Variants in SIPA1L3 observed in about 807,000 individuals in gnomAD.
SIPA1L3 encodes the protein signal-induced proliferation-associated 1-like protein 3.
SIPA1L3 carries 59 observed loss-of-function variants against 150.1 expected under a neutral mutation model. The observed-to-expected ratio is 0.39, with a 90% CI of 0.32 to 0.49. The LOEUF is 0.49. SIPA1L3 is among the 20% of genes least tolerant of loss of function. The pLI is 0.86. For synonymous variants in SIPA1L3, 1,070 were observed against 1,077.6 expected, an observed-to-expected ratio of 0.99 and a Z score of 0.14; for missense variants, 2,211 against 2,489.5, an observed-to-expected ratio of 0.89 and a Z score of 2.38.
intron 1 of SIPA1L3, among the ~76,000 whole-genome samples, chr19:37,990,107 A>T (rs1967465386): frequency 6.6e-6 from 1 of 151,698 alleles, no homozygotes; most frequent in Non-Finnish European, 1.5e-5. Context: ...GAAATTCTGG[A>T]GTGGGGTCAG....
At chr19:38,105,322 G>T (rs1389551295) in intron 6 of SIPA1L3, among the ~76,000 whole-genome samples, 2 of 151,142 alleles carry the variant, frequency 1.3e-5, no homozygotes. Flanking sequence ...CCCACATTGC[G>T]CCATTGCTCT....
chr19:38,100,593 G>A (rs1296567180), intron 5 of SIPA1L3, among the ~76,000 whole-genome samples: 1 of 152,168 alleles, frequency 6.6e-6, no homozygotes, highest in African/African-American at 2.4e-5. Context: ...GGCTGTCCAT[G>A]GCCCAGTCAC....
rs1037121692 is a variant in SIPA1L3, at chr19:38,192,161, A to G, written c.4447A>G (p.Thr1483Ala). 2.5e-6 allele frequency: 4 copies of G among 1,607,366 alleles called. No homozygotes were observed. The highest frequency in any genetic ancestry group is 3.4e-6 in the Non-Finnish European group (4 of 1,177,356). Residue 1483 changes from threonine (T) to alanine (A), a missense_variant, in exon 17 of 22, where the codon ACC (threonine) becomes GCC (alanine). By Grantham distance (58) the Thr-to-Ala change is moderately conservative. Transcript: ENST00000222345. The stretch of plus-strand genomic sequence containing the variant: ...TCATTCCAGGCAGGTGGACACGAAC[A>G]CCAAAAATGTCTTTGGGCAACCGAG... ...SDPKKQVDTN[T>A]KNVFGQPRLR...
At chr19:37,930,792 C>T (rs576485535) in intron 1 of SIPA1L3, among the ~76,000 whole-genome samples, 9 of 152,174 alleles carry the variant, frequency 5.9e-5, no homozygotes, top group East Asian at 1.9e-4. Flanking sequence ...TGGGAGGATT[C>T]GAATGCATCA....
intron 19 of SIPA1L3, chr19:38,200,138 T>TCTTGGC (rs1001519810): frequency 3.3e-5 from 5 of 152,204 alleles, no homozygotes; most frequent in African/African-American, 1.2e-4. Context: ...AGTGGCGTGA[T>TCTTGGC]CTTGGCTCAC....
intron 1 of SIPA1L3, among the ~76,000 whole-genome samples, chr19:37,973,553 AAG>A (rs1491089399): frequency 0.36 from 28,991 of 79,666 alleles, 5,546 homozygotes; most frequent in South Asian, 0.45. Context: ...AAAAAAAAAA[AAG>A]CGGGAGGGGG....
chr19:37,911,645 G>T (rs1311616646), intron 1 of SIPA1L3, among the ~76,000 whole-genome samples: 1 of 151,524 alleles, frequency 6.6e-6, no homozygotes, highest in East Asian at 2.0e-4. Context: ...CCGAGTAGCT[G>T]GGACTACAGG....
chr19:38,103,921 A>C, intron 6 of SIPA1L3, among the ~76,000 whole-genome samples: 1 of 147,192 alleles, frequency 6.8e-6, no homozygotes, highest in South Asian at 2.1e-4. Context: ...AAAAAAAAAA[A>C]GGAAAGAAAA....
At chr19:38,179,607 C>A in intron 15 of SIPA1L3, among the ~76,000 whole-genome samples, 1 of 152,174 alleles carries the variant, frequency 6.6e-6, no homozygotes, top group South Asian at 2.1e-4. Context: ...CTATTTCCTT[C>A]TCCCTTTTTT....
intron 9 of SIPA1L3, among the ~76,000 whole-genome samples, chr19:38,126,300 C>T (rs1325936995): frequency 6.6e-6 from 1 of 152,132 alleles, no homozygotes; most frequent in Non-Finnish European, 1.5e-5. Context: ...CTAAATCAGA[C>T]AAGGAGAAGG....
rs1568586040 is a variant in SIPA1L3, at chr19:38,164,351, TAG to T, written c.3781-126_3781-125del. 3.5e-6 allele frequency: 3 copies of T among 855,720 alleles called. No individual in the cohort carries two copies. The African/African-American group carries it at 5.1e-5, about 15-fold the overall frequency. The allele number at this position is 855,720 out of a possible 1,614,324, so 53.0% of individuals were successfully genotyped here. On this transcript the variant is annotated intron_variant, in intron 14 of 21. Coordinates refer to ENST00000222345, the MANE Select transcript of SIPA1L3 (RefSeq NM_015073.3). The surrounding 1 kb of genome is among the most constrained non-coding windows in gnomAD (Gnocchi z 4.1). The stretch of plus-strand genomic sequence containing the variant: ...CACTTGCCCAAGGTAACACGGCCAG[TAG>T]ATGAGAAGCCAGGATTTGAAGCTGT...
intron 16 of SIPA1L3, among the ~76,000 whole-genome samples, chr19:38,187,674 C>T (rs1297239049): frequency 3.9e-4 from 52 of 133,318 alleles, no homozygotes; most frequent in African/African-American, 1.2e-3. Context: ...GCCAAGATTG[C>T]GCCACTGCAC....
intron 1 of SIPA1L3, among the ~76,000 whole-genome samples, chr19:38,011,276 A>T (rs1315397941): frequency 1.3e-5 from 2 of 152,082 alleles, no homozygotes; most frequent in Non-Finnish European, 2.9e-5. Context: ...GGAGTTCAAG[A>T]CTAGCCTGGG....
intron 15 of SIPA1L3, among the ~76,000 whole-genome samples, chr19:38,168,120 C>T (rs530247911): frequency 1.6e-4 from 25 of 152,310 alleles, no homozygotes; most frequent in Admixed American, 1.5e-3. Context: ...GGCACGGTGG[C>T]TCACGCCTAT....
intron 1 of SIPA1L3, among the ~76,000 whole-genome samples, chr19:37,968,851 T>C (rs1725483): frequency 0.28 from 41,876 of 152,122 alleles, 6,890 homozygotes; most frequent in East Asian, 0.61. Flanking sequence ...GCTTGGGTCA[T>C]GTGTCCAGCT....
chr19:38,100,842 T>C (rs937077901), intron 5 of SIPA1L3, among the ~76,000 whole-genome samples: 2 of 152,226 alleles, frequency 1.3e-5, no homozygotes, highest in African/African-American at 4.8e-5. Flanking sequence ...GGATACCTCG[T>C]TGTGCTTCTC....
Position 38,193,626 on chromosome 19 carries a change from C to T in SIPA1L3, c.4686C>T (p.Gly1562=). ...AGCCCAGCTTCGCCAGCCCCGCTGG[C>T]CTAGAGCCAGGGCTGCCCAGCGACG... ...RREPSFASPA[G]LEPGLPSDVL... Residue 1562 remains glycine (G), a synonymous_variant, in exon 18 of 22, where the codon GGC becomes GGT. Coordinates refer to ENST00000222345, the MANE Select transcript of SIPA1L3 (RefSeq NM_015073.3). The T allele has an allele frequency of 6.3e-7, 1 of 1,576,278 alleles. No individual in the cohort carries two copies. Among genetic ancestry groups the T allele is most frequent in the Non-Finnish European group, 8.5e-7 (1 of 1,169,608 alleles).
At chr19:38,132,747 C>T (rs1472114797) in intron 10 of SIPA1L3, among the ~76,000 whole-genome samples, 4 of 151,000 alleles carry the variant, frequency 2.6e-5, no homozygotes, top group Non-Finnish European at 5.9e-5. Context: ...TCCTGGGTTC[C>T]AGCGATTCTC....
chr19:38,193,744 AC>A lies in SIPA1L3; in HGVS notation c.4808del (p.Pro1603LeufsTer36). 6.4e-7 allele frequency: 1 copy of A among 1,571,386 alleles called. No homozygotes were observed. On this transcript the variant is annotated frameshift_variant, in exon 18 of 22. Transcript: ENST00000222345. LOFTEE classifies it high-confidence loss of function. ...CCACCCGCCCGTCGGCCCCGGTGCC[AC>A]CCCTGCCGCCGGCAGCGGCTTTCCC... ...HPHPPVGPGATPAAGSGFPEK... is the reference protein window; with the variant it reads ...HPHPPVGPGAXPAAGSGFPEK...
Sources: gnomAD v4.1 joint callset for allele counts (sites outside exome capture counted in the v4.1 genomes callset) on GRCh38, gnomAD v4.1.1 for gene constraint, Gnocchi (gnomAD v3.1) non-coding constraint, MANE v1.5 for transcripts, NCBI Gene and HGNC (gene_info 2026-07-23, HGNC 2026-07-21) for gene names.